Variants in AKR1C3 observed in about 807,000 individuals in gnomAD.
AKR1C3 encodes 3-alpha hydroxysteroid dehydrogenase, type II.
Under a neutral mutation model 43.6 loss-of-function variants are expected in AKR1C3, and 48 were observed. That is an observed-to-expected ratio of 1.10 (90% CI 0.87 to 1.40). AKR1C3 has a LOEUF of 1.40. Ranked by LOEUF, AKR1C3 falls within the 40% of genes most tolerant of loss-of-function variation. The pLI is 0.00. For synonymous variants in AKR1C3, 162 were observed against 139.6 expected, an observed-to-expected ratio of 1.16 and a Z score of -1.13; for missense variants, 482 against 391.2, an observed-to-expected ratio of 1.23 and a Z score of -1.96.
chr10:5,062,293 T>G (rs10904408), intron 1 of AKR1C3, among the ~76,000 whole-genome samples: 15,911 of 152,224 alleles, frequency 0.1, 941 homozygotes, highest in Non-Finnish European at 0.12. Flanking sequence ...AATCTTTCCT[T>G]AAACTATGTA....
upstream of AKR1C3, chr10:5,094,168 A>T (rs2518047): frequency 3.3e-5 from 7 of 210,448 alleles, no homozygotes; most frequent in South Asian, 7.2e-5. Context: ...ATAGAGATTT[A>T]GAATAGAAAA....
intron 1 of AKR1C3, among the ~76,000 whole-genome samples, chr10:5,088,293 G>C (rs1839015665): frequency 1.3e-5 from 2 of 152,176 alleles, no homozygotes; most frequent in Admixed American, 1.3e-4. Flanking sequence ...TGTGTATTCT[G>C]TAGTTGTTAG....
At chr10:5,104,466 T>G (rs1195739675) in intron 7 of AKR1C3, among the ~76,000 whole-genome samples, 1 of 152,204 alleles carries the variant, frequency 6.6e-6, no homozygotes, top group African/African-American at 2.4e-5. Context: ...ACTTATTTAC[T>G]TTTCTGTACT....
chr10:5,103,293 C>T (rs1839405276), intron 7 of AKR1C3, among the ~76,000 whole-genome samples: 1 of 151,896 alleles, frequency 6.6e-6, no homozygotes, highest in Admixed American at 6.6e-5. Flanking sequence ...TAAAATTTCA[C>T]ATATTTATTC....
upstream of AKR1C3, among the ~76,000 whole-genome samples, chr10:5,090,951 T>G (rs1423899613): frequency 5.3e-5 from 8 of 152,104 alleles, no homozygotes; most frequent in African/African-American, 1.9e-4. Context: ...CCATTGGCAT[T>G]GACTATTGAC....
At chr10:5,074,330 G>A (rs1720798809) in intron 1 of AKR1C3, among the ~76,000 whole-genome samples, 1 of 152,072 alleles carries the variant, frequency 6.6e-6, no homozygotes, top group Admixed American at 6.6e-5. Context: ...TCAGATTTTG[G>A]GGGTCCATAC....
chr10:5,059,756 G>T (rs1342896532), intron 1 of AKR1C3, among the ~76,000 whole-genome samples: 1 of 152,092 alleles, frequency 6.6e-6, no homozygotes, highest in African/African-American at 2.4e-5. Context: ...CGATAGTCTC[G>T]CTGCTCAGTG....
chr10:5,087,000 T>C (rs1298030896), intron 1 of AKR1C3, among the ~76,000 whole-genome samples: 4 of 152,156 alleles, frequency 2.6e-5, no homozygotes, highest in Non-Finnish European at 5.9e-5. Flanking sequence ...TCCAGCACAC[T>C]GATGGGTCTT....
chr10:5,101,781 A>C (rs1362593380), intron 5 of AKR1C3, among the ~76,000 whole-genome samples: 1 of 152,186 alleles, frequency 6.6e-6, no homozygotes, highest in African/African-American at 2.4e-5. Flanking sequence ...TTTCTGGCAC[A>C]ATCTGAAGCC....
At chr10:5,077,765 C>T in intron 1 of AKR1C3, 1 of 1,033,786 alleles carries the variant, frequency 9.7e-7, no homozygotes, top group East Asian at 3.4e-5. Flanking sequence ...TGCCAGTGCC[C>T]ATTTAGTTTT....
intron 1 of AKR1C3, among the ~76,000 whole-genome samples, chr10:5,062,145 T>G (rs1276387146): frequency 2.0e-5 from 3 of 152,326 alleles, no homozygotes; most frequent in Non-Finnish European, 2.9e-5. Context: ...GATATCCTGG[T>G]GAAAGCATTT....
intron 1 of AKR1C3, among the ~76,000 whole-genome samples, chr10:5,060,686 C>T (rs11252912): frequency 0.078 from 11,857 of 152,242 alleles, 668 homozygotes; most frequent in Admixed American, 0.18. Context: ...GCCATGTGCC[C>T]GCACTCCTCA....
At chr10:5,070,088 A>G (rs1431438121) in intron 1 of AKR1C3, among the ~76,000 whole-genome samples, 1 of 152,260 alleles carries the variant, frequency 6.6e-6, no homozygotes, top group African/African-American at 2.4e-5. Flanking sequence ...GGTGACGGTT[A>G]GGTGCCTTCA....
intron 1 of AKR1C3, among the ~76,000 whole-genome samples, chr10:5,055,167 CTG>C (rs1257977947): frequency 6.6e-6 from 1 of 152,372 alleles, no homozygotes; most frequent in African/African-American, 2.4e-5. Flanking sequence ...GGTTACATCT[CTG>C]TGGCATAACC....
chr10:5,096,666 G>T (rs938416492), intron 2 of AKR1C3, 89 bp downstream of exon 2: 1 of 1,457,752 alleles, frequency 6.9e-7, no homozygotes, highest in African/African-American at 1.4e-5. Flanking sequence ...GTAGTTGTGG[G>T]TGAATTTTGC....
intron 1 of AKR1C3, among the ~76,000 whole-genome samples, chr10:5,052,881 G>A (rs568763527): frequency 1.3e-5 from 2 of 150,892 alleles, no homozygotes; most frequent in South Asian, 2.1e-4. Context: ...GATACAGAGT[G>A]CCGATTGGTG....
At chr10:5,090,531 C>T (rs188222407), upstream of AKR1C3, among the ~76,000 whole-genome samples, 2 of 152,254 alleles carry the variant, frequency 1.3e-5, no homozygotes, top group Admixed American at 6.5e-5. Context: ...GGTAGAACCT[C>T]TTCACCCAGT....
chr10:5,082,228 G>C (rs1472931004), intron 1 of AKR1C3, among the ~76,000 whole-genome samples: 1 of 152,106 alleles, frequency 6.6e-6, no homozygotes, highest in African/African-American at 2.4e-5. Flanking sequence ...CCTGTCATCA[G>C]CAAACAAAAA....
At chr10:5,102,675 A>C in intron 7 of AKR1C3, 25 bp downstream of exon 7, 1 of 1,450,606 alleles carries the variant, frequency 6.9e-7, no homozygotes, top group South Asian at 1.5e-5. Context: ...TGTGGGCCTC[A>C]GGTCTCCTGC....
Sources: allele counts gnomAD v4.1 joint callset (sites outside exome capture counted in the v4.1 genomes callset), GRCh38; gene constraint gnomAD v4.1.1; transcripts MANE v1.5; gene names NCBI Gene and HGNC (gene_info 2026-07-23, HGNC 2026-07-21).